EXOC4: variants seen among roughly 807,000 people sequenced by gnomAD.
The protein encoded by EXOC4 is SEC8-like 1.
A neutral mutation model predicts 107.2 loss-of-function variants in EXOC4; 71 were observed. The observed-to-expected ratio is 0.66, with a 90% confidence interval of 0.55 to 0.81. EXOC4 has a LOEUF of 0.81. Among genes scored for constraint, EXOC4 ranks in the 30% least tolerant of loss-of-function variants. The pLI, the probability that EXOC4 is intolerant of heterozygous loss-of-function variation, is 0.00. For missense variants in EXOC4, 1,108 were observed against 1,189.6 expected (o/e 0.93, Z 1.01); for synonymous variants, 456 against 441.2 (o/e 1.03, Z -0.42).
intron 9 of EXOC4, among the ~76,000 whole-genome samples, chr7:133,598,945 C>T (rs924022688): frequency 2.6e-5 from 4 of 152,094 alleles, no homozygotes; most frequent in African/African-American, 9.7e-5. Context: ...GATCGCGCCA[C>T]TGCATTCCAG....
chr7:133,544,784 T>G (rs1359494599), intron 9 of EXOC4, among the ~76,000 whole-genome samples: 1 of 151,950 alleles, frequency 6.6e-6, no homozygotes, highest in Non-Finnish European at 1.5e-5. Flanking sequence ...TGTGCAGGGT[T>G]GATTTTTTGA....
At chr7:133,273,942 ACT>A (rs1281768238) in intron 1 of EXOC4, among the ~76,000 whole-genome samples, 2 of 152,104 alleles carry the variant, frequency 1.3e-5, no homozygotes, top group East Asian at 1.9e-4. Flanking sequence ...ATTTAATGAA[ACT>A]CTAAATTACC....
chr7:133,533,986 A>G (rs1307192538), intron 9 of EXOC4, among the ~76,000 whole-genome samples: 1 of 152,150 alleles, frequency 6.6e-6, no homozygotes, highest in Admixed American at 6.6e-5. Flanking sequence ...AGTCTTTGCA[A>G]ATGACAAAAT....
rs751285429 is a variant in EXOC4 at position 133,356,528 on chromosome 7, G to C, written c.962G>C (p.Ser321Thr). Residue 321 changes from serine to threonine, a missense_variant, in exon 6 of 18, where the codon AGT (serine) becomes ACT (threonine). Transcript: ENST00000253861. ...AGGTCTACAACCCAGGTGGCAGACAGTGGCTATCAGCGGGGGGAGAACGTT... is the reference window on the plus strand; with the variant it reads ...AGGTCTACAACCCAGGTGGCAGACACTGGCTATCAGCGGGGGGAGAACGTT... ...VKRSTTQVAD[S>T]GYQRGENVTV... is the part of the protein sequence containing the mutation. The C allele has an allele frequency of 6.2e-7, 1 of 1,614,128 alleles. No homozygotes were observed. Among genetic ancestry groups the C allele is most frequent in the Non-Finnish European group, 8.5e-7 (1 of 1,179,984 alleles).
intron 11 of EXOC4, among the ~76,000 whole-genome samples, chr7:133,867,781 G>A (rs563849781): frequency 1.5e-3 from 222 of 152,344 alleles, no homozygotes; most frequent in Non-Finnish European, 2.3e-3. Flanking sequence ...AGAGGTGGGT[G>A]TGCATATTAA....
At chr7:133,761,869 C>T (rs915959059) in intron 10 of EXOC4, among the ~76,000 whole-genome samples, 1 of 152,192 alleles carries the variant, frequency 6.6e-6, no homozygotes, top group African/African-American at 2.4e-5. Context: ...ACAACTTAGG[C>T]TGGCTTATGC....
intron 9 of EXOC4, among the ~76,000 whole-genome samples, chr7:133,617,448 T>C (rs998558280): frequency 1.3e-5 from 2 of 152,196 alleles, no homozygotes; most frequent in Admixed American, 1.3e-4. Flanking sequence ...GTTAAATTGC[T>C]TTTATGAAAG....
intron 15 of EXOC4, among the ~76,000 whole-genome samples, chr7:134,002,991 TAAATGCAA>T: frequency 6.6e-6 from 1 of 152,114 alleles, no homozygotes; most frequent in Non-Finnish European, 1.5e-5. Flanking sequence ...CCAAGAGAAA[TAAATGCAA>T]AGTTATATGC....
chr7:134,028,404 G>A (rs747531922), intron 17 of EXOC4, among the ~76,000 whole-genome samples: 5 of 152,204 alleles, frequency 3.3e-5, no homozygotes, highest in Non-Finnish European at 7.3e-5. Context: ...GGAAATTAAA[G>A]TAGAAATTAT....
At chr7:133,854,908 A>G (rs1174603379) in intron 11 of EXOC4, among the ~76,000 whole-genome samples, 4 of 148,742 alleles carry the variant, frequency 2.7e-5, no homozygotes, top group African/African-American at 7.5e-5. Context: ...TATCATCCCT[A>G]CTTTTTATGA....
chr7:134,080,786 A>G, the EXOC4 span, among the ~76,000 whole-genome samples: 1 of 151,818 alleles, frequency 6.6e-6, no homozygotes, highest in African/African-American at 2.4e-5. Context: ...AAATATATAT[A>G]TATATAAAAA....
rs559677285 is a variant in EXOC4, at chr7:133,730,516, A to ATAT, written c.1515-86809_1515-86808insTAT. 1.8e-4 allele frequency among the ~76,000 whole-genome samples: 27 copies of ATAT among 152,212 alleles called. No homozygotes were observed. The East Asian group carries it at 5.2e-3, about 29-fold the overall frequency. The stretch of plus-strand genomic sequence containing the variant: ...AAAAAAACAGCTTTCTGATATAACG[A>ATAT]AAGTCAACTTGGTGAGCTACCAGCT... On this transcript the variant is annotated intron_variant, in intron 10 of 17. Transcript: ENST00000253861.
At chr7:133,389,876 T>TA (rs1203099255) in intron 7 of EXOC4, among the ~76,000 whole-genome samples, 1 of 140,440 alleles carries the variant, frequency 7.1e-6, no homozygotes, top group East Asian at 2.1e-4. Flanking sequence ...AGTCACATCT[T>TA]ACATGGATGG....
At chr7:133,685,308 A>G (rs530914108) in intron 10 of EXOC4, among the ~76,000 whole-genome samples, 1 of 152,226 alleles carries the variant, frequency 6.6e-6, no homozygotes, top group African/African-American at 2.4e-5. Flanking sequence ...GTGAGTTCTC[A>G]TGAGATCTGA....
At chr7:133,591,081 G>A (rs1037998316) in intron 9 of EXOC4, among the ~76,000 whole-genome samples, 5 of 152,182 alleles carry the variant, frequency 3.3e-5, no homozygotes, top group Non-Finnish European at 5.9e-5. Context: ...TGTGGGCTGA[G>A]TAAAGAAGCC....
intron 9 of EXOC4, among the ~76,000 whole-genome samples, chr7:133,586,393 A>G (rs1457753816): frequency 6.6e-6 from 1 of 152,178 alleles, no homozygotes; most frequent in Non-Finnish European, 1.5e-5. Context: ...CATTACTAGG[A>G]TAATGACCTC....
intron 10 of EXOC4, among the ~76,000 whole-genome samples, chr7:133,670,972 A>T (rs1793931961): frequency 6.6e-6 from 1 of 152,184 alleles, no homozygotes; most frequent in Non-Finnish European, 1.5e-5. Flanking sequence ...GCTGCTTGCC[A>T]TAGGGTGCTC....
At chr7:133,455,697 G>C (rs746022803) in intron 7 of EXOC4, among the ~76,000 whole-genome samples, 1 of 152,176 alleles carries the variant, frequency 6.6e-6, no homozygotes, top group Non-Finnish European at 1.5e-5. Context: ...CAATGAATAA[G>C]TGCTGACTAG....
At chr7:133,367,212 A>G (rs1796267210) in intron 6 of EXOC4, among the ~76,000 whole-genome samples, 1 of 152,168 alleles carries the variant, frequency 6.6e-6, no homozygotes, top group Non-Finnish European at 1.5e-5. Flanking sequence ...ATTGAAGATT[A>G]GGGGCAAATG....
Sources: gnomAD v4.1 joint callset for allele counts (sites outside exome capture counted in the v4.1 genomes callset) on GRCh38, gnomAD v4.1.1 for gene constraint, MANE v1.5 for transcripts, NCBI Gene and HGNC (gene_info 2026-07-23, HGNC 2026-07-21) for gene names.